The following PPP1R21 variants were observed in gnomAD, a reference collection of about 807,000 sequenced individuals.
PPP1R21 encodes the protein KLRAQ motif containing 1.
PPP1R21 carries 85 observed loss-of-function variants against 112.8 expected under a neutral mutation model. The ratio of observed to expected loss-of-function variants is 0.75; its 90% confidence interval spans 0.63 to 0.90. The LOEUF (loss-of-function observed/expected upper bound fraction) is 0.90, where lower values mean the gene tolerates loss of function less well. PPP1R21 is among the 40% of genes least tolerant of loss of function. The pLI, the probability that PPP1R21 is intolerant of heterozygous loss-of-function variation, is 0.00. For missense variants in PPP1R21, 1,199 were observed against 901.5 expected (o/e 1.33, Z -4.23); for synonymous variants, 381 against 322.3 (o/e 1.18, Z -1.95).
At chr2:48,508,301 A>T (rs1670480263) in intron 19 of PPP1R21, among the ~76,000 whole-genome samples, 2 of 152,202 alleles carry the variant, frequency 1.3e-5, no homozygotes, top group South Asian at 4.1e-4. Context: ...ATAGATGATT[A>T]TAATGCTTAA....
At chr2:48,486,213 G>C (rs985875484) in intron 13 of PPP1R21, among the ~76,000 whole-genome samples, 13 of 152,218 alleles carry the variant, frequency 8.5e-5, no homozygotes, top group African/African-American at 3.1e-4. Flanking sequence ...GTGAGACAGT[G>C]TGGTTGTGTT....
intron 13 of PPP1R21, among the ~76,000 whole-genome samples, chr2:48,485,506 A>G (rs1669243612): frequency 6.6e-6 from 1 of 152,168 alleles, no homozygotes; most frequent in African/African-American, 2.4e-5. Flanking sequence ...TAAAGGGTGT[A>G]ATGAAACTCC....
intron 12 of PPP1R21, among the ~76,000 whole-genome samples, chr2:48,478,676 C>T (rs901246669): frequency 1.1e-4 from 17 of 152,154 alleles, no homozygotes; most frequent in East Asian, 1.9e-4. Flanking sequence ...TCAGTGTTTG[C>T]GCTTCATTCT....
chr2:48,484,949 A>G (rs1323262768), intron 13 of PPP1R21, among the ~76,000 whole-genome samples: 1 of 152,234 alleles, frequency 6.6e-6, no homozygotes, highest in Admixed American at 6.5e-5. Flanking sequence ...TATTATTATA[A>G]CATTGTATAT....
intron 16 of PPP1R21, among the ~76,000 whole-genome samples, chr2:48,496,275 G>C (rs1669829206): frequency 6.6e-6 from 1 of 152,202 alleles, no homozygotes; most frequent in South Asian, 2.1e-4. Flanking sequence ...CATAGTCCTT[G>C]TTACAGTAAA....
At chr2:48,452,543 A>G (rs939957915) in intron 2 of PPP1R21, among the ~76,000 whole-genome samples, 6 of 150,540 alleles carry the variant, frequency 4.0e-5, no homozygotes, top group Non-Finnish European at 7.4e-5. Context: ...ATAAATTATG[A>G]GAAAAATAAA....
At chr2:48,498,350 T>C (rs1669943945) in intron 16 of PPP1R21, 143 bp from the exon 17 acceptor site, 1 of 706,794 alleles carries the variant, frequency 1.4e-6, no homozygotes, top group Admixed American at 3.0e-5. Context: ...CTAATAAATC[T>C]CTTCCTATTC....
intron 16 of PPP1R21, among the ~76,000 whole-genome samples, chr2:48,496,323 A>C (rs1048141342): frequency 1.3e-5 from 2 of 152,180 alleles, no homozygotes; most frequent in African/African-American, 4.8e-5. Flanking sequence ...GCCCTCTTTT[A>C]ACTTGCCTAG....
chr2:48,473,013 A>AG (rs1305592731), intron 11 of PPP1R21, among the ~76,000 whole-genome samples: 159 of 151,012 alleles, frequency 1.1e-3, no homozygotes, highest in African/African-American at 3.7e-3. Flanking sequence ...TAAAAAAAAA[A>AG]AAAAAGAAAA....
intron 13 of PPP1R21, among the ~76,000 whole-genome samples, chr2:48,483,246 G>A (rs942702515): frequency 7.8e-6 from 1 of 127,592 alleles, no homozygotes. Context: ...TGTCACCCAG[G>A]CTGGAGTGCA....
rs80138175 is a variant in PPP1R21 at position 48,515,167 on chromosome 2, T to C, written c.*423T>C. 0.096 allele frequency: 15,121 copies of C among 157,290 alleles called. 814 individuals are homozygous for C. The highest frequency in any genetic ancestry group is 0.11 in the Non-Finnish European group (8,102 of 71,560). 9.7% of individuals were successfully genotyped at this position (157,290 alleles called of 1,614,324 possible). ...ATTGTCAAACTGTCATTACTTCTTA[T>C]TATAGTTGAAGGCATTCTCCAGATT... On this transcript the variant is annotated 3_prime_UTR_variant, in exon 22 of 22. Coordinates refer to ENST00000294952, the MANE Select transcript of PPP1R21 (RefSeq NM_001135629.3).
chr2:48,456,982 G>T lies in PPP1R21; in HGVS notation c.274-1144G>T, dbSNP rs577292259. Among the ~76,000 whole-genome samples, 20 of 151,518 alleles carry T rather than the reference G, an allele frequency of 1.3e-4. 1 individual carries two copies. The South Asian group carries it at 4.0e-3, about 30-fold the overall frequency. On this transcript the variant is annotated intron_variant, in intron 3 of 21. Coordinates refer to ENST00000294952, the MANE Select transcript of PPP1R21 (RefSeq NM_001135629.3). ...CAGGAGAATTGCTTGAATCCAGGAA[G>T]CCGAGGTTGCAGTGAGCCGAGATCA...
intron 13 of PPP1R21, among the ~76,000 whole-genome samples, chr2:48,481,631 A>C (rs770898288): frequency 3.9e-5 from 6 of 152,222 alleles, no homozygotes; most frequent in Non-Finnish European, 8.8e-5. Flanking sequence ...TAATCCCAGC[A>C]TTTTGGGAAG....
chr2:48,453,644 C>T (rs1667582527), intron 2 of PPP1R21, among the ~76,000 whole-genome samples: 1 of 152,104 alleles, frequency 6.6e-6, no homozygotes, highest in South Asian at 2.1e-4. Context: ...CATTTTCATA[C>T]CCCATTATGG....
intron 12 of PPP1R21, chr2:48,479,472 A>C (rs899410376): frequency 8.5e-6 from 4 of 471,064 alleles, no homozygotes; most frequent in Non-Finnish European, 1.8e-5. Context: ...TCCTTTTTGC[A>C]AATTTTACCA....
intron 17 of PPP1R21, chr2:48,502,086 T>G (rs1343552821): frequency 6.6e-6 from 1 of 152,182 alleles, no homozygotes; most frequent in Non-Finnish European, 1.5e-5. Context: ...TCTTTTTATT[T>G]GAACATTTTC....
At chr2:48,485,317 A>T (rs2103914391) in intron 13 of PPP1R21, among the ~76,000 whole-genome samples, 1 of 152,226 alleles carries the variant, frequency 6.6e-6, no homozygotes, top group East Asian at 1.9e-4. Context: ...TAAAAAAAAA[A>T]ACAAAAAGCA....
intron 12 of PPP1R21, among the ~76,000 whole-genome samples, chr2:48,478,302 C>G (rs78698279): frequency 0.016 from 2,490 of 152,308 alleles, 63 homozygotes; most frequent in African/African-American, 0.055. Context: ...GTATTGCCAT[C>G]TAAGCTTAGT....
Position 48,511,396 on chromosome 2 carries a change from C to A in PPP1R21, c.2241C>A (p.Asp747Glu). Residue 747 changes from aspartate (D) to glutamate (E), a missense_variant, in exon 21 of 22, where the codon GAC (aspartate) becomes GAA (glutamate). Transcript: ENST00000294952. ...AGGATCAGTTAAGTATGATGAGTGA[C>A]CACCTGTGCAGCATGAATGAGACAT... ...SYEDQLSMMS[D>E]HLCSMNETLS... 6.2e-7 allele frequency: 1 copy of A among 1,613,852 alleles called. No homozygotes were observed. The highest frequency in any genetic ancestry group is 1.1e-5 in the South Asian group (1 of 91,074).
Sources: gnomAD v4.1 joint callset for allele counts (sites outside exome capture counted in the v4.1 genomes callset) on GRCh38, gnomAD v4.1.1 for gene constraint, MANE v1.5 for transcripts, NCBI Gene and HGNC (gene_info 2026-07-23, HGNC 2026-07-21) for gene names.